ATP2C1: variants seen among roughly 807,000 people sequenced by gnomAD.
The protein encoded by ATP2C1 is calcium-transporting ATPase type 2C member 1.
ATP2C1 carries 31 observed loss-of-function variants against 120.5 expected under a neutral mutation model. That is an observed-to-expected ratio of 0.26 (90% CI 0.19 to 0.35). ATP2C1 has a LOEUF of 0.35. ATP2C1 is among the 10% of genes least tolerant of loss of function. The pLI is 1.00. For missense variants in ATP2C1, 731 were observed against 1,107.5 expected, an observed-to-expected ratio of 0.66 and a Z score of 4.83; for synonymous variants, 351 against 358.7, an observed-to-expected ratio of 0.98 and a Z score of 0.24.
chr3:130,938,460 G>T (rs951278824), intron 6 of ATP2C1, among the ~76,000 whole-genome samples: 1 of 152,146 alleles, frequency 6.6e-6, no homozygotes, highest in African/African-American at 2.4e-5. Flanking sequence ...TATTACGTGG[G>T]TATTTCTTGT....
chr3:130,868,634 A>G, intron 1 of ATP2C1: 1 of 19,170 alleles, frequency 5.2e-5, no homozygotes, highest in African/African-American at 1.9e-4. Flanking sequence ...GGAAGTGAGG[A>G]CCCCTCTGCC....
At chr3:130,995,708 T>C (rs2062584318) in intron 22 of ATP2C1, among the ~76,000 whole-genome samples, 1 of 152,224 alleles carries the variant, frequency 6.6e-6, no homozygotes, top group South Asian at 2.1e-4. Flanking sequence ...TGGTGTGATC[T>C]TGGCTCACTG....
Position 130,969,277 on chromosome 3 carries a change from C to G in ATP2C1, c.1309-15C>G, listed in dbSNP as rs756673738. On this transcript the variant is annotated splice_polypyrimidine_tract_variant and intron_variant, in intron 16 of 27. Coordinates refer to ENST00000510168, the MANE Select transcript of ATP2C1 (RefSeq NM_001378687.1). ...ACATATAGGTGAGAATTAACTTTCT[C>G]TTTGTGCCATATAGATGGGTCTTGA... The G allele has an allele frequency of 6.9e-5, 109 of 1,578,778 alleles. No homozygotes were observed. Among genetic ancestry groups the G allele is most frequent in the Non-Finnish European group, 8.6e-5 (99 of 1,148,260 alleles).
At chr3:130,913,310 C>T (rs1053979187) in intron 2 of ATP2C1, among the ~76,000 whole-genome samples, 3 of 151,746 alleles carry the variant, frequency 2.0e-5, no homozygotes, top group Admixed American at 2.0e-4. Context: ...AGGTGGGTAT[C>T]CCTCTCCAGC....
chr3:130,868,310 G>GC, intron 1 of ATP2C1: 1 of 133,790 alleles, frequency 7.5e-6, no homozygotes, highest in Non-Finnish European at 1.6e-5. Context: ...CCTCTGCCTG[G>GC]CCGCCCCTAC....
intron 20 of ATP2C1, among the ~76,000 whole-genome samples, chr3:130,983,908 C>T (rs73871742): frequency 0.033 from 4,947 of 152,196 alleles, 254 homozygotes; most frequent in African/African-American, 0.11. Context: ...ATCACTTCAC[C>T]TTTTGAAGGG....
chr3:130,957,378 T>C (rs911475227), intron 11 of ATP2C1, among the ~76,000 whole-genome samples: 1 of 152,174 alleles, frequency 6.6e-6, no homozygotes, highest in Non-Finnish European at 1.5e-5. Flanking sequence ...TTTTAACTTT[T>C]TTACTCAAGT....
intron 8 of ATP2C1, among the ~76,000 whole-genome samples, chr3:130,944,993 A>T (rs938829009): frequency 1.3e-5 from 2 of 152,334 alleles, no homozygotes; most frequent in African/African-American, 4.8e-5. Context: ...ATATTTTTAA[A>T]AGTTCGTATT....
At chr3:130,929,156 A>T (rs73869006) in intron 2 of ATP2C1, among the ~76,000 whole-genome samples, 77 of 152,262 alleles carry the variant, frequency 5.1e-4, no homozygotes, top group African/African-American at 1.8e-3. Flanking sequence ...GTTTCCTCAT[A>T]TTTATTCACC....
intron 1 of ATP2C1, among the ~76,000 whole-genome samples, chr3:130,882,121 T>C (rs1162447160): frequency 6.6e-6 from 1 of 152,214 alleles, no homozygotes; most frequent in African/African-American, 2.4e-5. Flanking sequence ...GGGCATCCTT[T>C]TCATGTTCCA....
At position 131,003,118 on chromosome 3, in the gene ATP2C1, T is replaced by C. The variant is rs1577057750; in HGVS notation, c.*1768T>C. On this transcript the variant is annotated 3_prime_UTR_variant, in exon 28 of 28. Coordinates refer to ENST00000510168, the MANE Select transcript of ATP2C1 (RefSeq NM_001378687.1). ...TGTGCCTATACATTCATTTGCTTTG[T>C]ACTATAAAAATAAAAATGATTTCTT... is the stretch of plus-strand genomic sequence containing the variant. The C allele has an allele frequency of 1.0e-6, 1 of 983,188 alleles. No individual in the cohort carries two copies. Among genetic ancestry groups the C allele is most frequent in the Non-Finnish European group, 1.2e-6 (1 of 827,450 alleles). The allele number at this position is 983,188 out of a possible 1,614,324, so 60.9% of individuals were successfully genotyped here.
intron 8 of ATP2C1, among the ~76,000 whole-genome samples, chr3:130,942,083 A>G (rs1383439654): frequency 6.6e-6 from 1 of 152,222 alleles, no homozygotes. Flanking sequence ...AAGAAGGGAG[A>G]GGTTCCACCT....
At chr3:130,898,267 C>T (rs914143227) in intron 2 of ATP2C1, among the ~76,000 whole-genome samples, 2 of 152,088 alleles carry the variant, frequency 1.3e-5, no homozygotes, top group African/African-American at 4.8e-5. Flanking sequence ...ATGCCCCAAT[C>T]TTTTTTGTTT....
chr3:130,936,074 A>T (rs910118903), intron 5 of ATP2C1, among the ~76,000 whole-genome samples: 2 of 152,228 alleles, frequency 1.3e-5, no homozygotes, highest in African/African-American at 4.8e-5. Context: ...TTTGTTGCTA[A>T]TGATAAAATT....
intron 6 of ATP2C1, among the ~76,000 whole-genome samples, chr3:130,939,589 A>G (rs983734638): frequency 2.0e-5 from 3 of 152,172 alleles, no homozygotes; most frequent in Admixed American, 6.5e-5. Flanking sequence ...GTCATTTATT[A>G]CTGGGATCTA....
downstream of ATP2C1, among the ~76,000 whole-genome samples, chr3:131,005,020 C>G (rs1385408887): frequency 1.3e-5 from 2 of 150,812 alleles, no homozygotes; most frequent in African/African-American, 2.4e-5. Flanking sequence ...ATAGGGAGAC[C>G]AATTAGAAAA....
intron 1 of ATP2C1, among the ~76,000 whole-genome samples, chr3:130,880,637 C>A (rs1164774330): frequency 6.6e-6 from 1 of 152,110 alleles, no homozygotes; most frequent in East Asian, 1.9e-4. Context: ...TTGTAATTAC[C>A]CTTCTCTATC....
At chr3:130,960,469 A>G (rs529862039) in intron 12 of ATP2C1, among the ~76,000 whole-genome samples, 28 of 152,304 alleles carry the variant, frequency 1.8e-4, no homozygotes, top group Middle Eastern at 6.8e-3. Context: ...AAGTTACTAC[A>G]CTTGAGAAAC....
At chr3:130,873,734 A>G (rs2068508110) in intron 1 of ATP2C1, among the ~76,000 whole-genome samples, 1 of 152,248 alleles carries the variant, frequency 6.6e-6, no homozygotes. Context: ...AGAAAAGACT[A>G]TAGTATACTT....
Sources: gnomAD v4.1 joint callset for allele counts (sites outside exome capture counted in the v4.1 genomes callset) on GRCh38, gnomAD v4.1.1 for gene constraint, MANE v1.5 for transcripts, NCBI Gene and HGNC (gene_info 2026-07-23, HGNC 2026-07-21) for gene names.